Variants in DYNLT2B observed in about 807,000 individuals in gnomAD.
DYNLT2B encodes the protein dynein light chain Tctex-type 2B.
In DYNLT2B, 14 loss-of-function variants were observed where a neutral mutation model predicts 19.5. The observed-to-expected ratio is 0.72, with a 90% confidence interval of 0.47 to 1.12. The LOEUF (loss-of-function observed/expected upper bound fraction) is 1.12. DYNLT2B is among the 50% of genes most tolerant of loss of function. The pLI, the probability that DYNLT2B is intolerant of heterozygous loss-of-function variation, is 0.00. For missense variants in DYNLT2B, 133 were observed against 174.7 expected, an observed-to-expected ratio of 0.76 and a Z score of 1.35; for synonymous variants, 70 against 59.7, an observed-to-expected ratio of 1.17 and a Z score of -0.79.
At chr3:196,308,358 T>G (rs62409176) in intron 2 of DYNLT2B, among the ~76,000 whole-genome samples, 3 of 151,942 alleles carry the variant, frequency 2.0e-5, no homozygotes, top group African/African-American at 7.2e-5. Context: ...CAGGAGAGCA[T>G]GGGATCTCCA....
chr3:196,307,912 T>A (rs1319100923), intron 2 of DYNLT2B, among the ~76,000 whole-genome samples: 1 of 151,342 alleles, frequency 6.6e-6, no homozygotes, highest in African/African-American at 2.4e-5. Flanking sequence ...AAGCCCCGTC[T>A]CTACTAAAAA....
At chr3:196,299,048 A>G (rs913568553) in intron 3 of DYNLT2B, among the ~76,000 whole-genome samples, 1 of 151,530 alleles carries the variant, frequency 6.6e-6, no homozygotes, top group African/African-American at 2.4e-5. Flanking sequence ...AGTAGCTGGG[A>G]TAACAGGCAT....
Position 196,316,208 on chromosome 3 carries a change from T to G in DYNLT2B, c.137A>C (p.Asp46Ala). The change falls in exon 2 of 5, where the codon GAC becomes GCC. Residue 46 changes from aspartate (D) to alanine (A), a missense_variant. Physicochemically the swap from Asp to Ala is moderately radical, Grantham distance 126. Coordinates refer to ENST00000325318, the MANE Select transcript of DYNLT2B (RefSeq NM_152773.5). The stretch of plus-strand genomic sequence containing the variant: ...CTCCTTGAGCACAGCATGGATACAG[T>G]CTTTAACCACAGAGGGCCTGAACCT... ...QQRFRPSVVK[D>A]CIHAVLKEEL... The G allele has an allele frequency of 6.2e-7, 1 of 1,612,188 alleles. No individual in the cohort carries two copies. Among genetic ancestry groups the G allele is most frequent in the Non-Finnish European group, 8.5e-7 (1 of 1,179,104 alleles).
At chr3:196,311,499 G>C (rs918309561) in intron 2 of DYNLT2B, among the ~76,000 whole-genome samples, 1 of 151,744 alleles carries the variant, frequency 6.6e-6, no homozygotes, top group African/African-American at 2.4e-5. Flanking sequence ...GTGTCCTGAA[G>C]AAAAGGAAGT....
intron 4 of DYNLT2B, among the ~76,000 whole-genome samples, chr3:196,295,737 A>G (rs1255103611): frequency 6.6e-6 from 1 of 152,220 alleles, no homozygotes; most frequent in African/African-American, 2.4e-5. Context: ...TAATGTTTAA[A>G]TAATATGCTA....
intron 3 of DYNLT2B, among the ~76,000 whole-genome samples, chr3:196,299,435 T>G (rs977894789): frequency 6.6e-6 from 1 of 151,724 alleles, no homozygotes; most frequent in Non-Finnish European, 1.5e-5. Flanking sequence ...ATTGCCCAGG[T>G]TGGTCTCCAA....
At chr3:196,316,805 GGTGT>G (rs138822134) in intron 1 of DYNLT2B, among the ~76,000 whole-genome samples, 1 of 148,770 alleles carries the variant, frequency 6.7e-6, no homozygotes, top group East Asian at 2.0e-4. Context: ...GCAAATATGG[GGTGT>G]GTGTGTGTGT....
intron 2 of DYNLT2B, among the ~76,000 whole-genome samples, chr3:196,313,770 AT>A (rs1726701081): frequency 6.6e-6 from 1 of 152,318 alleles, no homozygotes; most frequent in African/African-American, 2.4e-5. Context: ...ATAAACACAA[AT>A]ATTAAATAGT....
chr3:196,311,661 TTTTATTTATTTATTTA>T lies in DYNLT2B; in HGVS notation c.247+4421_247+4436del, dbSNP rs148137456. On this transcript the variant is annotated intron_variant, in intron 2 of 4. Coordinates refer to ENST00000325318, the MANE Select transcript of DYNLT2B (RefSeq NM_152773.5). ...AGCATAAAGGTGAAGATGAGGATTA[TTTTATTTATTTATTTA>T]TTTATTTATTTATTTATTTATTTTG... is the stretch of plus-strand genomic sequence containing the variant. Among the ~76,000 whole-genome samples the T allele has an allele frequency of 1.1e-4, 16 of 147,666 alleles. No individual in the cohort carries two copies. The East Asian group carries it at 1.2e-3, about 11-fold the overall frequency.
chr3:196,299,863 G>A (rs1325699771), intron 3 of DYNLT2B, among the ~76,000 whole-genome samples: 15 of 152,092 alleles, frequency 9.9e-5, no homozygotes, highest in Admixed American at 8.5e-4. Flanking sequence ...CCCAGGAGGC[G>A]GAGCTTGCAG....
In DYNLT2B at chr3:196,316,909, T is replaced by TGTGTGTGTG. The variant is rs1287554227; in HGVS notation, c.114-679_114-678insCACACACAC. On this transcript the variant is annotated intron_variant, in intron 1 of 4. Coordinates refer to ENST00000325318, the MANE Select transcript of DYNLT2B (RefSeq NM_152773.5). ...TTTTTCAGTGTGTGTGTGTGTGTGT[T>TGTGTGTGTG]GTGTGGTGTGTGTGTGTGTTGTGTG... Among the ~76,000 whole-genome samples, 41 of 35,334 alleles carry TGTGTGTGTG rather than the reference T, an allele frequency of 1.2e-3. 3 individuals carry two copies. Among genetic ancestry groups the TGTGTGTGTG allele is most frequent in the African/African-American group, 3.4e-3 (41 of 12,194 alleles). The allele number at this position is 35,334 out of a possible 152,430, so 23.2% of individuals were successfully genotyped here.
intron 3 of DYNLT2B, among the ~76,000 whole-genome samples, chr3:196,303,268 C>G (rs1270932327): frequency 6.6e-6 from 1 of 152,130 alleles, no homozygotes; most frequent in Non-Finnish European, 1.5e-5. Context: ...TCCCCGAATG[C>G]TGGGAGAGAC....
intron 4 of DYNLT2B, among the ~76,000 whole-genome samples, chr3:196,293,810 A>C (rs1365250196): frequency 6.7e-6 from 1 of 150,050 alleles, no homozygotes; most frequent in African/African-American, 2.4e-5. Flanking sequence ...ACACCTGGCT[A>C]ATTTTTGTAT....
chr3:196,316,889 C>G, intron 1 of DYNLT2B, among the ~76,000 whole-genome samples: 1 of 46,034 alleles, frequency 2.2e-5, no homozygotes, highest in Non-Finnish European at 4.8e-5. Context: ...ACATTTTTTT[C>G]AGTGTGTGTG....
chr3:196,307,591 C>A (rs62409175), intron 2 of DYNLT2B, among the ~76,000 whole-genome samples: 31,587 of 151,730 alleles, frequency 0.21, 3,696 homozygotes, highest in African/African-American at 0.3. Context: ...GCGTGAGCCA[C>A]CGCGCCCGGT....
intron 2 of DYNLT2B, among the ~76,000 whole-genome samples, chr3:196,310,662 A>G (rs1400197821): frequency 6.6e-6 from 1 of 151,404 alleles, no homozygotes; most frequent in Non-Finnish European, 1.5e-5. Context: ...TCCTGACCTC[A>G]AGTGATCCAC....
chr3:196,306,984 C>T lies in DYNLT2B; in HGVS notation c.276G>A (p.Val92=). 6.2e-7 allele frequency: 1 copy of T among 1,614,018 alleles called. No homozygotes were observed. The highest frequency in any genetic ancestry group is 8.5e-7 in the Non-Finnish European group (1 of 1,179,956). ...TTTGTTCTCCAATCACTACTTGCAC[C>T]ACCATTTTGTATCGGTCAAATCCCA... ...KEMGFDRYKM[V]VQVVIGEQRG... Residue 92 remains valine (V), a synonymous_variant, in exon 3 of 5, where the codon GTG becomes GTA. Transcript: ENST00000325318.
At chr3:196,294,122 C>T (rs897249070) in intron 4 of DYNLT2B, among the ~76,000 whole-genome samples, 1 of 151,950 alleles carries the variant, frequency 6.6e-6, no homozygotes, top group African/African-American at 2.4e-5. Context: ...GAGGCCGAGG[C>T]GGGCCGATCA....
intron 2 of DYNLT2B, among the ~76,000 whole-genome samples, chr3:196,310,663 A>G (rs1279659676): frequency 3.6e-5 from 5 of 140,208 alleles, no homozygotes; most frequent in East Asian, 2.2e-4. Flanking sequence ...CCTGACCTCA[A>G]GTGATCCACC....
Sources: gnomAD v4.1 joint callset for allele counts (sites outside exome capture counted in the v4.1 genomes callset) on GRCh38, gnomAD v4.1.1 for gene constraint, MANE v1.5 for transcripts, NCBI Gene and HGNC (gene_info 2026-07-23, HGNC 2026-07-21) for gene names.